Variants in ZFHX3 observed in about 807,000 individuals in gnomAD.
The protein encoded by ZFHX3 is zinc finger homeobox protein 3.
A neutral mutation model predicts 279.1 loss-of-function variants in ZFHX3; 42 were observed. That is an observed-to-expected ratio of 0.15 (90% confidence interval 0.12 to 0.19). ZFHX3 has a LOEUF of 0.19. ZFHX3 is among the 10% of genes least tolerant of loss of function. The pLI is 1.00. For synonymous variants in ZFHX3, 2,293 were observed against 1,957.8 expected (o/e 1.17, Z -4.52); for missense variants, 4,981 against 4,754.0 (o/e 1.05, Z -1.40).
intron 1 of ZFHX3, among the ~76,000 whole-genome samples, chr16:73,795,303 T>C (rs1222323958): frequency 1.3e-5 from 2 of 152,198 alleles, no homozygotes; most frequent in Non-Finnish European, 2.9e-5. Context: ...TAGAGCAGAT[T>C]CATTCTCTTC....
At position 73,483,333 on chromosome 16, in the gene ZFHX3, G is replaced by A. The variant is rs1222740843; in HGVS notation, c.-1546-27075C>T. 4 of 427,414 alleles carry A rather than the reference G, an allele frequency of 9.4e-6. No homozygotes were observed. The African/African-American group carries it at 1.0e-4, about 11-fold the overall frequency. The allele number at this position is 427,414 out of a possible 1,614,324, so 26.5% of individuals were successfully genotyped here. A position where few individuals can be genotyped will look rare whatever the true frequency, so the allele number is the denominator to read the frequency against. ...CGAGAGACCAAGAGCGAGCGAGTGA[G>A]AGACAGAGAGAGAGAGAAAGAGAGA... is the stretch of plus-strand genomic sequence containing the variant. On this transcript the variant is annotated intron_variant, in intron 2 of 17. Coordinates refer to the ZFHX3 transcript ENST00000641206.
Position 73,821,350 on chromosome 16 carries a change from A to G in ZFHX3, c.-1608+70301T>C, listed in dbSNP as rs550530886. On this transcript the variant is annotated intron_variant, in intron 1 of 17. Transcript: ENST00000641206. ...TGAGGAGGTATATGGATTAGGTACCATCTCTGATGGAATTTCTAAAGGGGC... is the reference window on the plus strand; with the variant it reads ...TGAGGAGGTATATGGATTAGGTACCGTCTCTGATGGAATTTCTAAAGGGGC... 4.6e-5 allele frequency among the ~76,000 whole-genome samples: 7 copies of G among 152,302 alleles called. No homozygotes were observed. The South Asian group carries it at 1.2e-3, about 27-fold the overall frequency.
intron 2 of ZFHX3, among the ~76,000 whole-genome samples, chr16:73,491,571 G>A (rs1424203884): frequency 6.6e-6 from 1 of 152,282 alleles, no homozygotes; most frequent in Non-Finnish European, 1.5e-5. Flanking sequence ...TATTCATTAC[G>A]TGTGTGTTTA....
intron 1 of ZFHX3, among the ~76,000 whole-genome samples, chr16:73,754,335 G>A (rs2053787484): frequency 6.6e-6 from 1 of 152,142 alleles, no homozygotes; most frequent in Non-Finnish European, 1.5e-5. Context: ...TAAAGGCAAA[G>A]GAGGGTGACA....
At chr16:73,478,393 T>C (rs113605156) in intron 2 of ZFHX3, among the ~76,000 whole-genome samples, 3 of 152,326 alleles carry the variant, frequency 2.0e-5, no homozygotes, top group East Asian at 1.9e-4. Context: ...TCCAGGCTTC[T>C]TCCCTGCTAG....
chr16:72,949,206 T>A lies in ZFHX3; in HGVS notation c.3216+1263A>T, dbSNP rs1384621552. Among the ~76,000 whole-genome samples, 3 of 152,206 alleles carry A rather than the reference T, an allele frequency of 2.0e-5. No individual in the cohort carries two copies. In the East Asian group the frequency reaches 5.8e-4, roughly 29 times the overall value. ...CAAAGGACTAGAAGTCTTCCTTATA[T>A]GGAATCTCCGTTTAAAATCATTCTG... On this transcript the variant is annotated intron_variant, in intron 3 of 9. Transcript: ENST00000268489.
At chr16:72,829,492 C>A in intron 5 of ZFHX3, 1 of 381,570 alleles carries the variant, frequency 2.6e-6, no homozygotes, top group Non-Finnish European at 4.7e-6. Flanking sequence ...GATGCCCTTG[C>A]ACACAGCTTG....
Position 73,502,374 on chromosome 16 carries a change from C to T in ZFHX3, c.-1546-46116G>A, listed in dbSNP as rs754925854. ...GCCTACATTCTCTTTTTGACGAGGT[C>T]GTCATGCTGTCCTTGTAACTCCTTG... On this transcript the variant is annotated intron_variant, in intron 2 of 17. Transcript: ENST00000641206. Among the ~76,000 whole-genome samples, 7 of 152,308 alleles carry T rather than the reference C, an allele frequency of 4.6e-5. No homozygotes were observed. The East Asian group carries it at 7.7e-4, about 17-fold the overall frequency.
At chr16:73,755,345 TG>T (rs2053799016) in intron 1 of ZFHX3, among the ~76,000 whole-genome samples, 1 of 152,140 alleles carries the variant, frequency 6.6e-6, no homozygotes, top group African/African-American at 2.4e-5. Context: ...AAAAAAAAGA[TG>T]GGAAAATCCT....
At chr16:73,819,066 A>C (rs1960660706) in intron 1 of ZFHX3, among the ~76,000 whole-genome samples, 1 of 152,102 alleles carries the variant, frequency 6.6e-6, no homozygotes, top group African/African-American at 2.4e-5. Context: ...GGTGCTCCTT[A>C]CGTGGGGCAC....
At chr16:73,260,239 C>T (rs2013781388) in intron 4 of ZFHX3, among the ~76,000 whole-genome samples, 1 of 152,072 alleles carries the variant, frequency 6.6e-6, no homozygotes, top group Non-Finnish European at 1.5e-5. Flanking sequence ...TTATGTGCAC[C>T]ATATGTCAGT....
intron 8 of ZFHX3, chr16:73,081,695 A>G (rs919853495): frequency 6.6e-6 from 1 of 152,206 alleles, no homozygotes; most frequent in African/African-American, 2.4e-5. Context: ...CCATTTACAC[A>G]TGCATTCTAG....
intron 2 of ZFHX3, among the ~76,000 whole-genome samples, chr16:73,474,309 A>G (rs1159110020): frequency 6.6e-6 from 1 of 151,912 alleles, no homozygotes; most frequent in Non-Finnish European, 1.5e-5. Flanking sequence ...CACCACGCCC[A>G]GCTAATTTTT....
At chr16:73,158,390 GTCCTTTTCTTTTCTT>G (rs1967148576) in intron 5 of ZFHX3, among the ~76,000 whole-genome samples, 1 of 152,090 alleles carries the variant, frequency 6.6e-6, no homozygotes, top group African/African-American at 2.4e-5. Context: ...TGACATGAAA[GTCCTTTTCTTTTCTT>G]TCCTTTTCTT....
At chr16:73,561,452 C>T (rs1465618290) in intron 2 of ZFHX3, among the ~76,000 whole-genome samples, 2 of 152,148 alleles carry the variant, frequency 1.3e-5, no homozygotes, top group African/African-American at 4.8e-5. Flanking sequence ...GAGTTAAATA[C>T]TTACATATCA....
At chr16:73,777,023 C>T (rs990435620) in intron 1 of ZFHX3, among the ~76,000 whole-genome samples, 3 of 152,180 alleles carry the variant, frequency 2.0e-5, no homozygotes, top group African/African-American at 7.2e-5. Flanking sequence ...CTCCCATGAA[C>T]GTAGAGGAGG....
At chr16:73,651,886 G>A (rs2052675812) in intron 2 of ZFHX3, among the ~76,000 whole-genome samples, 1 of 149,860 alleles carries the variant, frequency 6.7e-6, no homozygotes, top group South Asian at 2.1e-4. Flanking sequence ...AAATTGACTG[G>A]ACATCTGACA....
At chr16:72,881,081 C>T (rs2038455244) in intron 4 of ZFHX3, among the ~76,000 whole-genome samples, 1 of 152,154 alleles carries the variant, frequency 6.6e-6, no homozygotes, top group African/African-American at 2.4e-5. Context: ...CCAAACCTAG[C>T]CTGGGTCTAC....
intron 7 of ZFHX3, among the ~76,000 whole-genome samples, chr16:73,107,435 T>C (rs561195797): frequency 7.2e-5 from 11 of 152,206 alleles, no homozygotes; most frequent in Admixed American, 6.5e-5. Flanking sequence ...AGGAGATCCA[T>C]GTTAGAGGTG....
Sources: allele counts gnomAD v4.1 joint callset (sites outside exome capture counted in the v4.1 genomes callset), GRCh38; gene constraint gnomAD v4.1.1; transcripts MANE v1.5; gene names NCBI Gene and HGNC (gene_info 2026-07-23, HGNC 2026-07-21).